The following PLEKHA1 variants were observed in gnomAD, a reference collection of about 807,000 sequenced individuals.
PLEKHA1 encodes pleckstrin homology domain containing A1.
A neutral mutation model predicts 52.0 loss-of-function variants in PLEKHA1; 34 were observed. The ratio of observed to expected loss-of-function variants is 0.65; its 90% CI spans 0.50 to 0.87. PLEKHA1 has a LOEUF of 0.87. Among genes scored for constraint, PLEKHA1 ranks in the 40% least tolerant of loss-of-function variants. PLEKHA1 has a pLI of 0.00. For missense variants in PLEKHA1, 497 were observed against 504.2 expected, an observed-to-expected ratio of 0.99 and a Z score of 0.14; for synonymous variants, 163 against 170.7, an observed-to-expected ratio of 0.95 and a Z score of 0.35.
intron 4 of PLEKHA1, among the ~76,000 whole-genome samples, chr10:122,400,765 C>T (rs1436013816): frequency 6.6e-6 from 1 of 152,114 alleles, no homozygotes; most frequent in Non-Finnish European, 1.5e-5. Flanking sequence ...GTGAGAAATG[C>T]TCAGTTTGGG....
chr10:122,425,122 G>C, intron 10 of PLEKHA1, 163 bp downstream of exon 10: 1 of 471,752 alleles, frequency 2.1e-6, no homozygotes, highest in Non-Finnish European at 3.6e-6. Context: ...GTTATTGGTG[G>C]GGTTATATGT....
chr10:122,439,522 C>T, the PLEKHA1 span: 1 of 151,936 alleles, frequency 6.6e-6, no homozygotes, highest in Non-Finnish European at 1.5e-5. Flanking sequence ...GCTGGATCAC[C>T]TGAGGTCAGG....
At chr10:122,417,443 G>A (rs1218715325) in intron 7 of PLEKHA1, among the ~76,000 whole-genome samples, 2 of 152,066 alleles carry the variant, frequency 1.3e-5, no homozygotes, top group African/African-American at 4.8e-5. Context: ...GAGGTCAGGA[G>A]TTTGAGACCA....
intron 4 of PLEKHA1, among the ~76,000 whole-genome samples, chr10:122,404,115 G>C (rs553002412): frequency 6.6e-6 from 1 of 152,174 alleles, no homozygotes; most frequent in Non-Finnish European, 1.5e-5. Context: ...TAAGGAGGTG[G>C]AATGAGTGAC....
At chr10:122,428,227 T>G in intron 11 of PLEKHA1, 2 of 1,441,102 alleles carry the variant, frequency 1.4e-6, no homozygotes, top group Non-Finnish European at 1.8e-6. Context: ...TTTTCCTCCC[T>G]CTACCCAGTA....
intron 5 of PLEKHA1, among the ~76,000 whole-genome samples, chr10:122,411,091 A>T (rs964078240): frequency 6.6e-6 from 1 of 152,184 alleles, no homozygotes; most frequent in Admixed American, 6.5e-5. Flanking sequence ...TCATTATTTT[A>T]TTGTCTTTAA....
intron 3 of PLEKHA1, among the ~76,000 whole-genome samples, chr10:122,400,052 A>G (rs1043542016): frequency 2.6e-5 from 4 of 152,234 alleles, no homozygotes; most frequent in African/African-American, 9.6e-5. Context: ...ACTTGTGTGT[A>G]TGACATAAAG....
chr10:122,414,763 T>C (rs1391967487), intron 6 of PLEKHA1, among the ~76,000 whole-genome samples: 1 of 152,112 alleles, frequency 6.6e-6, no homozygotes, highest in Non-Finnish European at 1.5e-5. Context: ...ACTGCACACC[T>C]CTCAGAATGG....
the PLEKHA1 span, chr10:122,441,991 T>C: frequency 6.6e-6 from 1 of 152,234 alleles, no homozygotes; most frequent in Non-Finnish European, 1.5e-5. Flanking sequence ...TCACAGTTTT[T>C]GTAGAAAAAT....
At position 122,427,118 on chromosome 10, in the gene PLEKHA1, T is replaced by A. The variant is rs1300300841; in HGVS notation, c.900+87T>A. On this transcript the variant is annotated intron_variant, in intron 11 of 11. Coordinates refer to ENST00000368990, the MANE Select transcript of PLEKHA1 (RefSeq NM_001001974.4). Reference sequence around the variant, plus strand: ...TCTCTCCCAATCCATCCGGTTTCTTTCTTTCTTGAGATTTATTTGCATGTT... The same window carrying A: ...TCTCTCCCAATCCATCCGGTTTCTTACTTTCTTGAGATTTATTTGCATGTT... The A allele has an allele frequency of 7.9e-6, 10 of 1,268,742 alleles. No homozygotes were observed. The African/African-American group carries it at 1.1e-4, about 13-fold the overall frequency. 78.6% of individuals were successfully genotyped at this position (1,268,742 alleles called of 1,614,324 possible). A position where few individuals can be genotyped will look rare whatever the true frequency, so the allele number is the denominator to read the frequency against.
intron 4 of PLEKHA1, among the ~76,000 whole-genome samples, chr10:122,403,554 A>G (rs2096960737): frequency 2.6e-5 from 4 of 152,176 alleles, no homozygotes; most frequent in African/African-American, 7.2e-5. Flanking sequence ...ATTATTCACA[A>G]TGAAACCCTT....
chr10:122,409,866 C>T lies in PLEKHA1; in HGVS notation c.343-3054C>T, dbSNP rs546612674. Among the ~76,000 whole-genome samples the T allele has an allele frequency of 6.6e-5, 10 of 151,896 alleles. No homozygotes were observed. The East Asian group carries it at 1.6e-3, about 24-fold the overall frequency. On this transcript the variant is annotated intron_variant, in intron 5 of 11. Transcript: ENST00000368990. ...TGCTATCCCAGCTCACTGCAGCCTC[C>T]GCCACCGGGGTTCAAGTGATTCTTG...
chr10:122,434,623 T>C (rs1381654647), downstream of PLEKHA1: 1 of 151,872 alleles, frequency 6.6e-6, no homozygotes, highest in African/African-American at 2.4e-5. Context: ...AATGTGCAGG[T>C]TAGTTACATA....
intron 8 of PLEKHA1, chr10:122,423,947 C>A: frequency 2.1e-6 from 1 of 476,376 alleles, no homozygotes; most frequent in Non-Finnish European, 3.5e-6. Context: ...TTACACTGCC[C>A]TTAAGGCCAG....
chr10:122,375,090 T>G (rs1383474382), intron 1 of PLEKHA1: 10 of 151,648 alleles, frequency 6.6e-5, no homozygotes, highest in South Asian at 2.1e-4. Context: ...TTCCCGTGGG[T>G]CCCCGATTGT....
At chr10:122,425,077 A>G (rs1485064180) in intron 10 of PLEKHA1, 118 bp downstream of exon 10, 3 of 826,372 alleles carry the variant, frequency 3.6e-6, no homozygotes, top group Non-Finnish European at 5.6e-6. Flanking sequence ...GACAACTGTA[A>G]TTCACCAGCT....
chr10:122,401,278 A>G (rs2096925021), intron 4 of PLEKHA1, among the ~76,000 whole-genome samples: 1 of 152,206 alleles, frequency 6.6e-6, no homozygotes, highest in African/African-American at 2.4e-5. Flanking sequence ...AAGGAGAAGA[A>G]AAAGAGAGCA....
downstream of PLEKHA1, chr10:122,436,259 T>G (rs1206564246): frequency 6.6e-6 from 1 of 152,234 alleles, no homozygotes; most frequent in Non-Finnish European, 1.5e-5. Context: ...CAGTCTGTTT[T>G]CAACATTTCT....
chr10:122,435,090 T>G (rs2097433417), downstream of PLEKHA1: 1 of 152,168 alleles, frequency 6.6e-6, no homozygotes, highest in Non-Finnish European at 1.5e-5. Flanking sequence ...TTCTTTCACT[T>G]CTAGTTGCAG....
Sources: allele counts gnomAD v4.1 joint callset (sites outside exome capture counted in the v4.1 genomes callset), GRCh38; gene constraint gnomAD v4.1.1; transcripts MANE v1.5; gene names NCBI Gene and HGNC (gene_info 2026-07-23, HGNC 2026-07-21).